Variants in NIPBL observed in about 807,000 individuals in gnomAD.
The protein encoded by NIPBL is NIPBL cohesin loading factor.
A neutral mutation model predicts 321.8 loss-of-function variants in NIPBL; 19 were observed. That is an observed-to-expected ratio of 0.06 (90% CI 0.04 to 0.09). NIPBL has a LOEUF of 0.09. NIPBL is among the 10% of genes least tolerant of loss of function. The pLI, the probability that NIPBL is intolerant of heterozygous loss-of-function variation, is 1.00. For synonymous variants in NIPBL, 1,106 were observed against 1,114.1 expected, an observed-to-expected ratio of 0.99 and a Z score of 0.14; for missense variants, 2,210 against 3,327.0, an observed-to-expected ratio of 0.66 and a Z score of 8.26.
Position 36,986,164 on chromosome 5 carries a change from T to A in NIPBL, c.2984T>A (p.Leu995Gln), listed in dbSNP as rs1455633697. Reference sequence around the variant, plus strand: ...GAAAAAATAGGATTAGTTGAAGATCTAAATAAAGGAGCTAAGCCTGTAGTT... The same window carrying A: ...GAAAAAATAGGATTAGTTGAAGATCAAAATAAAGGAGCTAAGCCTGTAGTT... ...KVEKIGLVEDLNKGAKPVVVL... is the reference protein window; with the variant it reads ...KVEKIGLVEDQNKGAKPVVVL... The change falls in exon 10 of 47, where the codon CTA becomes CAA. Residue 995 changes from leucine (L) to glutamine (Q), a missense_variant. This residue lies in a region of NIPBL where 588 missense variants were observed against 564.1 expected (regional missense o/e 1.04). Coordinates refer to ENST00000282516, the MANE Select transcript of NIPBL (RefSeq NM_133433.4). The A allele has an allele frequency of 6.2e-7, 1 of 1,613,684 alleles. No homozygotes were observed. The highest frequency in any genetic ancestry group is 1.1e-5 in the South Asian group (1 of 91,056).
chr5:36,893,235 T>A (rs1487572011), intron 1 of NIPBL, among the ~76,000 whole-genome samples: 2 of 152,186 alleles, frequency 1.3e-5, no homozygotes, highest in Non-Finnish European at 2.9e-5. Flanking sequence ...GTTACTTTGT[T>A]CATGAAGGGA....
intron 9 of NIPBL, among the ~76,000 whole-genome samples, chr5:36,980,138 G>A (rs374933849): frequency 2.0e-5 from 3 of 151,542 alleles, no homozygotes; most frequent in Non-Finnish European, 4.4e-5. Flanking sequence ...TTTATACTGC[G>A]AACTTTCCTT....
intron 27 of NIPBL, 31 bp from the exon 28 acceptor site, chr5:37,022,020 A>G (rs1250445000): frequency 6.4e-7 from 1 of 1,566,548 alleles, no homozygotes; most frequent in Non-Finnish European, 8.8e-7. Context: ...GTATTCTAAA[A>G]TTTACAAAAA....
At chr5:36,918,132 G>A (rs1285307228) in intron 1 of NIPBL, among the ~76,000 whole-genome samples, 14 of 152,036 alleles carry the variant, frequency 9.2e-5, no homozygotes, top group Non-Finnish European at 1.6e-4. Context: ...CCATTTTCAC[G>A]ATATTGATTC....
At chr5:36,987,787 A>G (rs888371349) in intron 10 of NIPBL, among the ~76,000 whole-genome samples, 3 of 152,200 alleles carry the variant, frequency 2.0e-5, no homozygotes, top group Admixed American at 1.3e-4. Flanking sequence ...ATCAGCCTTA[A>G]TTAATAAGTA....
At chr5:36,962,367 T>C in intron 6 of NIPBL, 93 bp downstream of exon 6, 1 of 1,252,526 alleles carries the variant, frequency 8.0e-7, no homozygotes, top group Non-Finnish European at 1.2e-6. Context: ...AAACACAAAC[T>C]AAAATACTAT....
chr5:37,040,029 A>G (rs1318498816), intron 34 of NIPBL, among the ~76,000 whole-genome samples: 1 of 152,144 alleles, frequency 6.6e-6, no homozygotes, highest in East Asian at 1.9e-4. Context: ...TTTTACAGAT[A>G]AGGAAATGAA....
Position 36,971,984 on chromosome 5 carries a change from C to A in NIPBL, c.811C>A (p.Pro271Thr). The change falls in exon 8 of 47, where the codon CCC becomes ACC. Residue 271 changes from proline to threonine, a missense_variant. Pro to Thr is a conservative substitution (Grantham distance 38). Around this residue, in one of 14 missense-constraint regions of NIPBL, gnomAD observed 464 missense variants for 529.5 expected, o/e 0.88. Coordinates refer to ENST00000282516, the MANE Select transcript of NIPBL (RefSeq NM_133433.4). Reference protein sequence around the residue: ...SSTMRNAASFPLRSPQPVCSP... With the variant: ...SSTMRNAASFTLRSPQPVCSP... ...AACAATGAGGAATGCTGCATCTTTTCCCTTGAGATCTCCACAGCCAGTATG... is the reference window on the plus strand; with the variant it reads ...AACAATGAGGAATGCTGCATCTTTTACCTTGAGATCTCCACAGCCAGTATG... The A allele has an allele frequency of 6.2e-7, 1 of 1,613,362 alleles. No homozygotes were observed. Among genetic ancestry groups the A allele is most frequent in the Non-Finnish European group, 8.5e-7 (1 of 1,179,578 alleles).
At chr5:37,007,563 C>T in intron 18 of NIPBL, 89 bp downstream of exon 18, 1 of 868,828 alleles carries the variant, frequency 1.2e-6, no homozygotes, top group Non-Finnish European at 1.8e-6. Context: ...AAGACCAGCA[C>T]TATATTATCA....
At chr5:36,951,408 G>T (rs987187928) in intron 1 of NIPBL, among the ~76,000 whole-genome samples, 1 of 152,138 alleles carries the variant, frequency 6.6e-6, no homozygotes, top group Non-Finnish European at 1.5e-5. Context: ...TAATCTGCTT[G>T]AATATGGCAG....
chr5:36,969,041 C>CT (rs1161343935), intron 6 of NIPBL, among the ~76,000 whole-genome samples: 2 of 152,022 alleles, frequency 1.3e-5, no homozygotes, highest in Non-Finnish European at 2.9e-5. Context: ...CAGTTATAAT[C>CT]TTTTTTGATA....
At chr5:36,980,841 A>G (rs974763274) in intron 9 of NIPBL, among the ~76,000 whole-genome samples, 2 of 151,664 alleles carry the variant, frequency 1.3e-5, no homozygotes, top group Admixed American at 6.6e-5. Flanking sequence ...TGAACTTGGC[A>G]TATTGCATTC....
chr5:37,008,295 T>C (rs1747681691), intron 19 of NIPBL, among the ~76,000 whole-genome samples: 1 of 152,126 alleles, frequency 6.6e-6, no homozygotes, highest in Non-Finnish European at 1.5e-5. Flanking sequence ...ATTCTGTTTT[T>C]GTCACATTTA....
At chr5:37,011,650 C>T (rs1173887580) in intron 21 of NIPBL, among the ~76,000 whole-genome samples, 1 of 152,178 alleles carries the variant, frequency 6.6e-6, no homozygotes. Context: ...TGTCTCTAGT[C>T]TTCCTTTCCT....
At chr5:37,002,256 C>T (rs959208018) in intron 14 of NIPBL, among the ~76,000 whole-genome samples, 2 of 152,088 alleles carry the variant, frequency 1.3e-5, no homozygotes, top group Non-Finnish European at 2.9e-5. Context: ...ACCTTGTAAG[C>T]AAAGAGTAAG....
In NIPBL at chr5:36,996,350, A is replaced by G. The variant is rs990259286; in HGVS notation, c.3304+546A>G. ...GCCAGATGAAGAAATATTTAAAACC[A>G]TACTATCACTAAATTATGAATGGAT... On this transcript the variant is annotated intron_variant, in intron 11 of 46. Transcript: ENST00000282516. This position sits in a 1 kb window ranked among gnomAD's most constrained non-coding sequence, Gnocchi z 5.0. The G allele has an allele frequency of 2.2e-6, 1 of 453,014 alleles. No homozygotes were observed. Among genetic ancestry groups the G allele is most frequent in the South Asian group, 1.6e-5 (1 of 64,028 alleles). 28.1% of individuals were successfully genotyped at this position (453,014 alleles called of 1,614,324 possible). A position where few individuals can be genotyped will look rare whatever the true frequency, so the allele number is the denominator to read the frequency against.
chr5:36,943,169 C>G (rs1192937380), intron 1 of NIPBL, among the ~76,000 whole-genome samples: 1 of 151,898 alleles, frequency 6.6e-6, no homozygotes, highest in East Asian at 1.9e-4. Context: ...CAAAAAAGAT[C>G]CCAGAATTAA....
chr5:36,893,381 A>G (rs749382031), intron 1 of NIPBL, among the ~76,000 whole-genome samples: 8 of 152,250 alleles, frequency 5.3e-5, no homozygotes, highest in Non-Finnish European at 1.2e-4. Flanking sequence ...ACCAGGTGAC[A>G]TACTGCCAAA....
intron 32 of NIPBL, among the ~76,000 whole-genome samples, chr5:37,034,132 T>A (rs997904834): frequency 3.3e-5 from 5 of 152,144 alleles, no homozygotes; most frequent in Admixed American, 2.0e-4. Flanking sequence ...ATAGGACCTA[T>A]ACTGTGTTCA....
Sources: allele counts gnomAD v4.1 joint callset (sites outside exome capture counted in the v4.1 genomes callset), GRCh38; gene constraint gnomAD v4.1.1; regional missense constraint gnomAD v4.1.1; non-coding constraint Gnocchi (gnomAD v3.1); transcripts MANE v1.5; gene names NCBI Gene and HGNC (gene_info 2026-07-23, HGNC 2026-07-21).